The following ECHDC1 variants were observed in gnomAD, a reference collection of about 807,000 sequenced individuals.
ECHDC1 encodes the protein ethylmalonyl-CoA decarboxylase 1.
Under a neutral mutation model 29.7 loss-of-function variants are expected in ECHDC1, and 29 were observed. The observed-to-expected ratio is 0.98, with a 90% CI of 0.73 to 1.33. ECHDC1 has a LOEUF of 1.33. Among genes scored for constraint, ECHDC1 ranks in the 40% most tolerant of loss-of-function variants. The pLI, the probability that ECHDC1 is intolerant of heterozygous loss-of-function variation, is 0.00. For synonymous variants in ECHDC1, 126 were observed against 123.1 expected, an observed-to-expected ratio of 1.02 and a Z score of -0.15; for missense variants, 328 against 350.0, an observed-to-expected ratio of 0.94 and a Z score of 0.50.
chr6:127,318,076 G>C (rs949581563), intron 3 of ECHDC1: 1 of 152,154 alleles, frequency 6.6e-6, no homozygotes, highest in East Asian at 1.9e-4. Context: ...GGATGATGAT[G>C]TCTTATAGAA....
At chr6:127,329,373 A>T (rs1348416829) in intron 2 of ECHDC1, among the ~76,000 whole-genome samples, 3 of 151,788 alleles carry the variant, frequency 2.0e-5, no homozygotes, top group Non-Finnish European at 2.9e-5. Context: ...TCAAAATAAT[A>T]TGTTTCTAAT....
chr6:127,342,322 T>A, intron 1 of ECHDC1: 1 of 1,536,028 alleles, frequency 6.5e-7, no homozygotes. Flanking sequence ...AAATCAACTC[T>A]CCAACTACCC....
intron 5 of ECHDC1, among the ~76,000 whole-genome samples, chr6:127,313,812 T>G (rs1201528672): frequency 6.6e-6 from 1 of 152,238 alleles, no homozygotes; most frequent in African/African-American, 2.4e-5. Context: ...ATCTTAAAAC[T>G]CTAAGCCACA....
rs556437401 is a variant in ECHDC1 at position 127,329,401 on chromosome 6, G to A, written c.220+1408C>T. 1.1e-4 allele frequency among the ~76,000 whole-genome samples: 17 copies of A among 152,174 alleles called. No homozygotes were observed. In the South Asian group the frequency reaches 3.5e-3, roughly 32 times the overall value. ...TTTCTAATTGAATAAAAAATTATTTGTAACTTTTCAGAAATAAATCATCAC... is the reference window on the plus strand; with the variant it reads ...TTTCTAATTGAATAAAAAATTATTTATAACTTTTCAGAAATAAATCATCAC... On this transcript the variant is annotated intron_variant, in intron 2 of 5. Coordinates refer to ENST00000454859, the MANE Select transcript of ECHDC1 (RefSeq NM_001002030.2).
At chr6:127,309,837 G>A (rs375826838) in intron 5 of ECHDC1, among the ~76,000 whole-genome samples, 3 of 152,186 alleles carry the variant, frequency 2.0e-5, no homozygotes, top group Admixed American at 1.3e-4. Context: ...TGACAGAGCA[G>A]GAGAGAAAGA....
In ECHDC1 at chr6:127,316,367, T is replaced by G. The variant is rs540325367; in HGVS notation, c.416+83A>C. The G allele has an allele frequency of 1.0e-4, 120 of 1,176,756 alleles. No homozygotes were observed. In the South Asian group the frequency reaches 1.6e-3, roughly 16 times the overall value. The allele number at this position is 1,176,756 out of a possible 1,614,324, so 72.9% of individuals were successfully genotyped here. A position where few individuals can be genotyped will look rare whatever the true frequency, so the allele number is the denominator to read the frequency against. On this transcript the variant is annotated intron_variant, in intron 4 of 5. Transcript: ENST00000454859. ...TGTAATTTGAAAATTAGCTATTATT[T>G]CTTAACTAGTACAAATAATGGAATA...
chr6:127,311,192 C>T (rs918722638), intron 5 of ECHDC1, among the ~76,000 whole-genome samples: 4 of 152,062 alleles, frequency 2.6e-5, no homozygotes, highest in African/African-American at 7.2e-5. Flanking sequence ...CAGATTTAAA[C>T]CCAATTATAT....
intron 4 of ECHDC1, chr6:127,316,190 G>A (rs1361721929): frequency 4.4e-6 from 2 of 459,450 alleles, no homozygotes; most frequent in Non-Finnish European, 8.3e-6. Context: ...CCTAAATACA[G>A]CTAGTTATAT....
chr6:127,311,568 G>A (rs1042069147), intron 5 of ECHDC1, among the ~76,000 whole-genome samples: 5 of 150,366 alleles, frequency 3.3e-5, no homozygotes, highest in Non-Finnish European at 7.4e-5. Flanking sequence ...GCAGCTACTA[G>A]GAGGCTGAGG....
At chr6:127,319,924 G>A (rs900011690) in intron 3 of ECHDC1, among the ~76,000 whole-genome samples, 9 of 152,150 alleles carry the variant, frequency 5.9e-5, no homozygotes, top group Non-Finnish European at 8.8e-5. Flanking sequence ...GCCTGTAGAA[G>A]TATCTTATTT....
intron 1 of ECHDC1, among the ~76,000 whole-genome samples, chr6:127,335,555 A>T (rs1784356957): frequency 6.6e-6 from 1 of 152,128 alleles, no homozygotes. Context: ...ACCTGCTTTT[A>T]ACTGTCATAA....
At chr6:127,305,830 A>G (rs1781394926) in intron 5 of ECHDC1, among the ~76,000 whole-genome samples, 1 of 152,140 alleles carries the variant, frequency 6.6e-6, no homozygotes, top group African/African-American at 2.4e-5. Flanking sequence ...ATTAAAAGCA[A>G]GAAGCTAAAT....
At chr6:127,300,205 C>A (rs748304381) in intron 5 of ECHDC1, among the ~76,000 whole-genome samples, 23 of 152,232 alleles carry the variant, frequency 1.5e-4, no homozygotes, top group Non-Finnish European at 2.8e-4. Context: ...ATACAGTTTA[C>A]AAAATTAACT....
chr6:127,300,546 A>C (rs553009416), intron 5 of ECHDC1, among the ~76,000 whole-genome samples: 10 of 152,362 alleles, frequency 6.6e-5, no homozygotes, highest in Non-Finnish European at 8.8e-5. Context: ...AGAGATTCAA[A>C]GTATGAGAGG....
intron 5 of ECHDC1, among the ~76,000 whole-genome samples, chr6:127,312,341 TG>T (rs1369283695): frequency 6.6e-6 from 1 of 152,144 alleles, no homozygotes; most frequent in East Asian, 1.9e-4. Flanking sequence ...CCAGTCACTG[TG>T]GAAATTCAAA....
chr6:127,342,365 A>C (rs1033508470), intron 1 of ECHDC1: 1 of 1,548,260 alleles, frequency 6.5e-7, no homozygotes, highest in Admixed American at 2.0e-5. Flanking sequence ...CCCTGTTTCA[A>C]TGCCATGCTT....
At chr6:127,322,085 C>T (rs1782874843) in intron 3 of ECHDC1, among the ~76,000 whole-genome samples, 1 of 152,092 alleles carries the variant, frequency 6.6e-6, no homozygotes, top group African/African-American at 2.4e-5. Context: ...GAGGGCAGAT[C>T]ATTTGAGGTC....
At chr6:127,294,008 T>G (rs1479019992) in intron 5 of ECHDC1, among the ~76,000 whole-genome samples, 3 of 152,204 alleles carry the variant, frequency 2.0e-5, no homozygotes, top group African/African-American at 7.2e-5. Flanking sequence ...AATACTGTAT[T>G]CTAATACAGA....
chr6:127,306,142 A>C (rs1051407686), intron 5 of ECHDC1, among the ~76,000 whole-genome samples: 5 of 152,276 alleles, frequency 3.3e-5, no homozygotes, highest in African/African-American at 9.6e-5. Flanking sequence ...CAAAAAGAAA[A>C]CATGAGTATC....
Sources: gnomAD v4.1 joint callset for allele counts (sites outside exome capture counted in the v4.1 genomes callset) on GRCh38, gnomAD v4.1.1 for gene constraint, MANE v1.5 for transcripts, NCBI Gene and HGNC (gene_info 2026-07-23, HGNC 2026-07-21) for gene names.